MCM9: variants seen among roughly 807,000 people sequenced by gnomAD.
The protein encoded by MCM9 is DNA helicase MCM9.
Under a neutral mutation model 72.8 loss-of-function variants are expected in MCM9, and 55 were observed. That is an observed-to-expected ratio of 0.76 (90% CI 0.61 to 0.95). The LOEUF is 0.95. Among genes scored for constraint, MCM9 ranks in the 40% least tolerant of loss-of-function variants. The pLI is 0.00. For synonymous variants in MCM9, 480 were observed against 503.4 expected (o/e 0.95, Z 0.62); for missense variants, 1,279 against 1,377.0 (o/e 0.93, Z 1.13).
intron 9 of MCM9, among the ~76,000 whole-genome samples, chr6:118,853,681 C>T (rs1161797452): frequency 2.0e-5 from 3 of 152,066 alleles, no homozygotes; most frequent in Admixed American, 1.3e-4. Context: ...GGTGCGTCCC[C>T]GTAAGTCCCA....
chr6:118,815,002 C>T lies in MCM9; in HGVS notation c.3254G>A (p.Gly1085Asp). ...TGTGGTTGTAGGAGGGGAGCTTGGG[C>T]CTCTCTCACCTCGGTTCTTCCTTTC... ...PPERKNRGER[G>D]PSSPPTTTAP... The change falls in exon 14 of 14, where the codon GGC becomes GAC. Residue 1085 changes from glycine to aspartate, a missense_variant. Coordinates refer to ENST00000619706, the MANE Select transcript of MCM9 (RefSeq NM_017696.3). 6.5e-7 allele frequency: 1 copy of T among 1,550,090 alleles called. No homozygotes were observed. Among genetic ancestry groups the T allele is most frequent in the African/African-American group, 1.4e-5 (1 of 73,032 alleles).
intron 13 of MCM9, among the ~76,000 whole-genome samples, chr6:118,824,892 A>G (rs528569045): frequency 8.5e-5 from 13 of 152,312 alleles, no homozygotes; most frequent in Admixed American, 5.2e-4. Flanking sequence ...ATGCCTCTAC[A>G]TTATAAATAA....
rs1288187504 is a variant in MCM9, at chr6:118,856,396, G to C, written c.1300C>G (p.Gln434Glu). ...RTSIHEAMEQQTISVAKAGLV... is the reference protein window; with the variant it reads ...RTSIHEAMEQETISVAKAGLV... ...CCAGCCTTAGCAACACTTATGGTTTGTTGCTCCATTGCTTCATGGATACTG... is the reference window on the plus strand; with the variant it reads ...CCAGCCTTAGCAACACTTATGGTTTCTTGCTCCATTGCTTCATGGATACTG... Residue 434 changes from glutamine to glutamate, a missense_variant, in exon 9 of 14, where the codon CAA (glutamine) becomes GAA (glutamate). Coordinates refer to ENST00000619706, the MANE Select transcript of MCM9 (RefSeq NM_017696.3). The C allele has an allele frequency of 1.3e-6, 2 of 1,535,194 alleles. No individual in the cohort carries two copies. Among genetic ancestry groups the C allele is most frequent in the Non-Finnish European group, 1.7e-6 (2 of 1,146,798 alleles).
intron 5 of MCM9, chr6:118,918,952 T>C (rs1781192095): frequency 6.6e-6 from 1 of 152,232 alleles, no homozygotes; most frequent in Admixed American, 6.5e-5. Context: ...ACTACATAGT[T>C]ACAAACACAT....
intron 8 of MCM9, among the ~76,000 whole-genome samples, chr6:118,892,492 TCTTAA>T (rs1214569573): frequency 6.6e-6 from 1 of 152,180 alleles, no homozygotes; most frequent in Non-Finnish European, 1.5e-5. Flanking sequence ...TAGACTCTCC[TCTTAA>T]GAGTACCTGT....
chr6:118,888,347 T>C (rs1284565915), intron 8 of MCM9, among the ~76,000 whole-genome samples: 1 of 151,536 alleles, frequency 6.6e-6, no homozygotes, highest in Non-Finnish European at 1.5e-5. Context: ...ATTAGCCGGG[T>C]GTGGTGGCGG....
At chr6:118,826,735 G>GA in intron 12 of MCM9, 47 bp downstream of exon 12, 3 of 1,404,640 alleles carry the variant, frequency 2.1e-6, no homozygotes, top group Non-Finnish European at 2.9e-6. Context: ...TTAAAAAAAA[G>GA]AAAGTTTGTA....
At chr6:118,886,916 CATT>C (rs1321193701) in intron 8 of MCM9, among the ~76,000 whole-genome samples, 1 of 152,152 alleles carries the variant, frequency 6.6e-6, no homozygotes, top group Non-Finnish European at 1.5e-5. Flanking sequence ...AGTGAGCTAT[CATT>C]GTGCCACTGT....
chr6:118,871,717 C>A (rs1583491664), intron 8 of MCM9, among the ~76,000 whole-genome samples: 1 of 151,732 alleles, frequency 6.6e-6, no homozygotes, highest in Admixed American at 6.6e-5. Flanking sequence ...GAGATAGACA[C>A]CATTCTGGCT....
intron 8 of MCM9, among the ~76,000 whole-genome samples, chr6:118,887,426 T>C (rs1266189260): frequency 6.6e-6 from 1 of 152,148 alleles, no homozygotes; most frequent in African/African-American, 2.4e-5. Context: ...GACAAGCACA[T>C]GCAAAAGTAT....
At chr6:118,845,413 C>T (rs1217421836) in intron 9 of MCM9, among the ~76,000 whole-genome samples, 1 of 151,818 alleles carries the variant, frequency 6.6e-6, no homozygotes, top group Non-Finnish European at 1.5e-5. Flanking sequence ...GCTGGAACCG[C>T]CATATAGCCC....
At chr6:118,933,994 C>T (rs555107424) in intron 1 of MCM9, among the ~76,000 whole-genome samples, 1 of 133,324 alleles carries the variant, frequency 7.5e-6, no homozygotes, top group South Asian at 2.4e-4. Flanking sequence ...TCTGGACTCC[C>T]AACAGTGGCT....
At chr6:118,903,607 T>C (rs1779961334) in intron 8 of MCM9, among the ~76,000 whole-genome samples, 1 of 152,192 alleles carries the variant, frequency 6.6e-6, no homozygotes, top group South Asian at 2.1e-4. Flanking sequence ...TGATTCTACC[T>C]TCTGAGTTAG....
chr6:118,891,717 T>C lies in MCM9; in HGVS notation c.1150+19933A>G, dbSNP rs138261329. ...GGATTAGTGCTTCAACATACGAATT[T>C]GGGGGAGACATAATTCAGTCTAAAA... On this transcript the variant is annotated intron_variant, in intron 8 of 13. Coordinates refer to ENST00000619706, the MANE Select transcript of MCM9 (RefSeq NM_017696.3). Among the ~76,000 whole-genome samples the C allele has an allele frequency of 3.9e-3, 590 of 152,268 alleles. 4 individuals are homozygous for C. Among genetic ancestry groups the C allele is most frequent in the Middle Eastern group, 0.014 (4 of 294 alleles).
At chr6:118,835,387 A>G (rs1774886127) in intron 9 of MCM9, among the ~76,000 whole-genome samples, 1 of 152,216 alleles carries the variant, frequency 6.6e-6, no homozygotes, top group South Asian at 2.1e-4. Flanking sequence ...TTCTGTGAAG[A>G]AAGTCAATGG....
intron 9 of MCM9, among the ~76,000 whole-genome samples, chr6:118,832,879 T>C (rs1448471485): frequency 2.0e-5 from 3 of 152,244 alleles, no homozygotes; most frequent in African/African-American, 7.2e-5. Flanking sequence ...AGGTGCTATA[T>C]GTTCACCTAA....
In MCM9 at chr6:118,814,591, A is replaced by T. The variant is rs554302531; in HGVS notation, c.*233T>A. ...AAGTACTCCATTTGTAAAATTAAGC[A>T]CAACATAATTAATTCAGCTCAGCTG... On this transcript the variant is annotated 3_prime_UTR_variant, in exon 14 of 14. Coordinates refer to ENST00000619706, the MANE Select transcript of MCM9 (RefSeq NM_017696.3). The T allele has an allele frequency of 5.4e-6, 2 of 368,952 alleles. No homozygotes were observed. Among genetic ancestry groups the T allele is most frequent in the Non-Finnish European group, 9.6e-6 (2 of 207,894 alleles). 22.9% of individuals were successfully genotyped at this position (368,952 alleles called of 1,614,324 possible). A position where few individuals can be genotyped will look rare whatever the true frequency, so the allele number is the denominator to read the frequency against.
chr6:118,848,477 T>A (rs142689428), intron 9 of MCM9, among the ~76,000 whole-genome samples: 1,602 of 151,988 alleles, frequency 0.011, 71 homozygotes, highest in African/African-American at 0.037. Flanking sequence ...TCTGTTTACA[T>A]ATTATGGCTT....
At chr6:118,920,902 T>A (rs971069459) in intron 5 of MCM9, 1 of 152,146 alleles carries the variant, frequency 6.6e-6, no homozygotes, top group African/African-American at 2.4e-5. Flanking sequence ...GACTAAAACA[T>A]CACCCTTCCA....
Sources: gnomAD v4.1 joint callset for allele counts (sites outside exome capture counted in the v4.1 genomes callset) on GRCh38, gnomAD v4.1.1 for gene constraint, MANE v1.5 for transcripts, NCBI Gene and HGNC (gene_info 2026-07-23, HGNC 2026-07-21) for gene names.